The following PPP6R3 variants were observed in gnomAD, a reference collection of about 807,000 sequenced individuals.
The protein encoded by PPP6R3 is serine/threonine-protein phosphatase 6 regulatory subunit 3.
A neutral mutation model predicts 110.7 loss-of-function variants in PPP6R3; 38 were observed. The observed-to-expected ratio is 0.34, with a 90% confidence interval of 0.26 to 0.45. The LOEUF is 0.45. Among genes scored for constraint, PPP6R3 ranks in the 20% least tolerant of loss-of-function variants. The pLI is 1.00. For synonymous variants in PPP6R3, 369 were observed against 373.5 expected (o/e 0.99, Z 0.14); for missense variants, 870 against 1,062.4 (o/e 0.82, Z 2.52).
intron 14 of PPP6R3, among the ~76,000 whole-genome samples, chr11:68,577,465 A>G (rs948858409): frequency 6.6e-6 from 1 of 152,210 alleles, no homozygotes; most frequent in African/African-American, 2.4e-5. Context: ...TGTTTGGGAA[A>G]CTTCTTTTAA....
chr11:68,563,255 T>G (rs1395322299), intron 8 of PPP6R3, among the ~76,000 whole-genome samples: 1 of 152,162 alleles, frequency 6.6e-6, no homozygotes, highest in Non-Finnish European at 1.5e-5. Context: ...AAGTCTAAGA[T>G]CAAGGTGTTG....
At position 68,591,679 on chromosome 11, in the gene PPP6R3, T is replaced by C; in HGVS notation, c.1889T>C (p.Phe630Ser). 6.2e-7 allele frequency: 1 copy of C among 1,613,100 alleles called. No individual in the cohort carries two copies. The highest frequency in any genetic ancestry group is 8.5e-7 in the Non-Finnish European group (1 of 1,179,624). Reference sequence around the variant, plus strand: ...ATATGGGAGGAAAAGCACATCGCATTCACACCAGAATCCCAAAGACGATCC... The same window carrying C: ...ATATGGGAGGAAAAGCACATCGCATCCACACCAGAATCCCAAAGACGATCC... Reference protein sequence around the residue: ...EDIWEEKHIAFTPESQRRSSS... With the variant: ...EDIWEEKHIASTPESQRRSSS... Residue 630 changes from phenylalanine (F) to serine (S), a missense_variant, in exon 18 of 24, where the codon TTC becomes TCC. Coordinates refer to ENST00000393800, the MANE Select transcript of PPP6R3 (RefSeq NM_001164161.2).
chr11:68,476,063 C>T (rs1338606538), intron 1 of PPP6R3, among the ~76,000 whole-genome samples: 32 of 151,816 alleles, frequency 2.1e-4, no homozygotes, highest in African/African-American at 6.0e-4. Flanking sequence ...GACGGGGTGG[C>T]GGCCGGGCAG....
intron 23 of PPP6R3, 111 bp downstream of exon 23, chr11:68,610,134 A>C (rs7104877): frequency 0.26 from 378,625 of 1,430,278 alleles, 51,317 homozygotes; most frequent in Middle Eastern, 0.31. Context: ...CTCAAGTCTT[A>C]GGCCGCTGAC....
intron 1 of PPP6R3, among the ~76,000 whole-genome samples, chr11:68,511,756 C>A (rs544573061): frequency 1.4e-5 from 2 of 141,186 alleles, no homozygotes; most frequent in Middle Eastern, 5.1e-3. Flanking sequence ...GCTGGGATTA[C>A]AGGCATGAGC....
At chr11:68,489,649 G>A in intron 1 of PPP6R3, among the ~76,000 whole-genome samples, 1 of 150,634 alleles carries the variant, frequency 6.6e-6, no homozygotes, top group Non-Finnish European at 1.5e-5. Context: ...TTTTCCAGTT[G>A]CATGTGCTCA....
At chr11:68,581,995 T>G (rs2099556512) in intron 14 of PPP6R3, among the ~76,000 whole-genome samples, 1 of 152,222 alleles carries the variant, frequency 6.6e-6, no homozygotes, top group Admixed American at 6.5e-5. Flanking sequence ...CTCAGAATTT[T>G]ACAAGACATA....
intron 7 of PPP6R3, among the ~76,000 whole-genome samples, chr11:68,557,771 G>A (rs1190352548): frequency 6.6e-6 from 1 of 152,200 alleles, no homozygotes; most frequent in Non-Finnish European, 1.5e-5. Flanking sequence ...GCCTGCCTCG[G>A]CCTCCCAAAG....
At chr11:68,514,835 T>G (rs1445863058) in intron 1 of PPP6R3, among the ~76,000 whole-genome samples, 2 of 152,054 alleles carry the variant, frequency 1.3e-5, no homozygotes, top group Non-Finnish European at 2.9e-5. Context: ...TCCACCTGCC[T>G]TGGCCTCCCA....
intron 15 of PPP6R3, chr11:68,586,909 C>G (rs1404246188): frequency 1.3e-5 from 2 of 152,106 alleles, no homozygotes; most frequent in East Asian, 3.9e-4. Flanking sequence ...CCAGCAAATG[C>G]CAGTGGGAGT....
intron 1 of PPP6R3, among the ~76,000 whole-genome samples, chr11:68,482,857 T>C (rs1719066703): frequency 6.6e-6 from 1 of 152,124 alleles, no homozygotes; most frequent in African/African-American, 2.4e-5. Context: ...TATATAAATA[T>C]AATAGCACCA....
chr11:68,531,343 A>ATTTG (rs2099239020), intron 2 of PPP6R3, among the ~76,000 whole-genome samples: 2 of 150,046 alleles, frequency 1.3e-5, no homozygotes, highest in African/African-American at 4.9e-5. Flanking sequence ...TTATTTATTT[A>ATTTG]TTTATTTAAA....
rs539896725 is a variant in PPP6R3 at position 68,494,062 on chromosome 11, C to G, written c.-157-25439C>G. ...AGCTTGCAGTGGGCCGAGATTGCGC[C>G]ACTGTACTCCAGCCTGGGCAGCTGA... On this transcript the variant is annotated intron_variant, in intron 1 of 23. Coordinates refer to ENST00000393800, the MANE Select transcript of PPP6R3 (RefSeq NM_001164161.2). Among the ~76,000 whole-genome samples the G allele has an allele frequency of 4.1e-3, 598 of 145,348 alleles. 6 individuals carry two copies. Among genetic ancestry groups the G allele is most frequent in the Non-Finnish European group, 5.6e-3 (374 of 67,074 alleles).
intron 21 of PPP6R3, among the ~76,000 whole-genome samples, chr11:68,602,440 C>T (rs1188087849): frequency 2.0e-5 from 3 of 152,140 alleles, no homozygotes; most frequent in Admixed American, 2.0e-4. Context: ...ATTACTCTAC[C>T]TAGTCAAATG....
intron 1 of PPP6R3, among the ~76,000 whole-genome samples, chr11:68,485,104 A>G (rs2098938176): frequency 6.6e-6 from 1 of 151,808 alleles, no homozygotes; most frequent in Non-Finnish European, 1.5e-5. Context: ...TCTTGTACAT[A>G]TTTTGTTTTA....
chr11:68,471,318 C>T (rs985809426), intron 1 of PPP6R3, among the ~76,000 whole-genome samples: 27 of 150,864 alleles, frequency 1.8e-4, no homozygotes, highest in African/African-American at 5.8e-4. Context: ...AAATAGGAGT[C>T]TTCAATATTT....
At chr11:68,511,463 AGTGT>A (rs111457206) in intron 1 of PPP6R3, among the ~76,000 whole-genome samples, 15 of 138,576 alleles carry the variant, frequency 1.1e-4, no homozygotes, top group South Asian at 4.5e-4. Context: ...ACTGTGTTAG[AGTGT>A]GTGTGTGTGT....
chr11:68,482,139 A>T (rs2098917942), intron 1 of PPP6R3, among the ~76,000 whole-genome samples: 1 of 148,184 alleles, frequency 6.7e-6, no homozygotes, highest in Admixed American at 7.0e-5. Context: ...AGCATTTATC[A>T]CTTTGGGAGG....
chr11:68,560,334 A>G (rs867785950), intron 8 of PPP6R3, among the ~76,000 whole-genome samples: 1 of 152,344 alleles, frequency 6.6e-6, no homozygotes. Flanking sequence ...AAAAGTAGAA[A>G]AGAGACAAAT....
Sources: gnomAD v4.1 joint callset for allele counts (sites outside exome capture counted in the v4.1 genomes callset) on GRCh38, gnomAD v4.1.1 for gene constraint, MANE v1.5 for transcripts, NCBI Gene and HGNC (gene_info 2026-07-23, HGNC 2026-07-21) for gene names.